The following XPO7 variants were observed in gnomAD, a reference collection of about 807,000 sequenced individuals.
XPO7 encodes exportin 7.
Under a neutral mutation model 144.3 loss-of-function variants are expected in XPO7, and 21 were observed. That is an observed-to-expected ratio of 0.15 (90% confidence interval 0.10 to 0.21). The LOEUF (loss-of-function observed/expected upper bound fraction) is 0.21. Among genes scored for constraint, XPO7 ranks in the 10% least tolerant of loss-of-function variants. XPO7 has a pLI of 1.00. For synonymous variants in XPO7, 580 were observed against 499.6 expected, an observed-to-expected ratio of 1.16 and a Z score of -2.15; for missense variants, 808 against 1,325.8, an observed-to-expected ratio of 0.61 and a Z score of 6.06.
At chr8:21,990,521 TG>T in intron 17 of XPO7, 114 bp downstream of exon 17, 1 of 1,210,358 alleles carries the variant, frequency 8.3e-7, no homozygotes, top group Non-Finnish European at 1.2e-6. Context: ...GCAAAGACGG[TG>T]GTCCTGATTC....
At chr8:21,998,712 G>A (rs745598807) in intron 21 of XPO7, 43 bp from the exon 22 acceptor site, 3 of 1,589,366 alleles carry the variant, frequency 1.9e-6, no homozygotes, top group Non-Finnish European at 2.6e-6. Context: ...AGTCTTCCAA[G>A]AAAACACCTC....
At chr8:21,940,165 A>T (rs1810945472) in intron 1 of XPO7, among the ~76,000 whole-genome samples, 1 of 152,210 alleles carries the variant, frequency 6.6e-6, no homozygotes, top group African/African-American at 2.4e-5. Context: ...ATGATATTTT[A>T]AAAGTAATGG....
chr8:22,006,259 T>G lies in XPO7; in HGVS notation c.*1171T>G, dbSNP rs1813326146. On this transcript the variant is annotated 3_prime_UTR_variant, in exon 28 of 28. Coordinates refer to ENST00000252512, the MANE Select transcript of XPO7 (RefSeq NM_015024.5). ...TTTATAAAATGAAAACCATAATAAA[T>G]GTTTTGAATATTAAAAAAAATAATA... is the stretch of plus-strand genomic sequence containing the variant. 1 of 152,178 alleles carries G rather than the reference T, an allele frequency of 6.6e-6. No individual in the cohort carries two copies. The highest frequency in any genetic ancestry group is 1.5e-5 in the Non-Finnish European group (1 of 68,032). 9.4% of individuals were successfully genotyped at this position (152,178 alleles called of 1,614,324 possible). A position where few individuals can be genotyped will look rare whatever the true frequency, so the allele number is the denominator to read the frequency against.
chr8:21,950,815 A>G (rs1811344810), intron 1 of XPO7, among the ~76,000 whole-genome samples: 1 of 152,134 alleles, frequency 6.6e-6, no homozygotes, highest in South Asian at 2.1e-4. Flanking sequence ...ATTCTACCGT[A>G]AATTTATATA....
Position 22,005,966 on chromosome 8 carries a change from C to A in XPO7, c.*878C>A, listed in dbSNP as rs1813317315. On this transcript the variant is annotated 3_prime_UTR_variant, in exon 28 of 28. Transcript: ENST00000252512. ...TCTTGGTCTGTGTGAAGGCAGAGAC[C>A]AGAGAGAAGGAAGTGAGCCCACTGC... 1 of 152,116 alleles carries A rather than the reference C, an allele frequency of 6.6e-6. No homozygotes were observed. The highest frequency in any genetic ancestry group is 2.4e-5 in the African/African-American group (1 of 41,394). The allele number at this position is 152,116 out of a possible 1,614,324, so 9.4% of individuals were successfully genotyped here. A position where few individuals can be genotyped will look rare whatever the true frequency, so the allele number is the denominator to read the frequency against.
At chr8:21,946,579 A>AC (rs1554512852) in intron 1 of XPO7, among the ~76,000 whole-genome samples, 1 of 96,294 alleles carries the variant, frequency 1.0e-5, no homozygotes, top group Admixed American at 9.0e-5. Context: ...GAACTGAAAA[A>AC]AAAAAACAAA....
At chr8:21,925,293 G>A (rs981250887) in intron 1 of XPO7, among the ~76,000 whole-genome samples, 4 of 152,116 alleles carry the variant, frequency 2.6e-5, no homozygotes, top group African/African-American at 9.7e-5. Context: ...TCGCACATGT[G>A]TGCATGCACA....
chr8:21,987,360 C>T (rs1661201204), intron 14 of XPO7, 84 bp downstream of exon 14: 4 of 1,563,774 alleles, frequency 2.6e-6, no homozygotes, highest in Middle Eastern at 1.7e-4. Flanking sequence ...GCTGATAGTT[C>T]ACATAACCTC....
intron 1 of XPO7, among the ~76,000 whole-genome samples, chr8:21,940,628 C>G (rs1810959908): frequency 6.6e-6 from 1 of 151,964 alleles, no homozygotes; most frequent in Admixed American, 6.6e-5. Context: ...GCCACCACAC[C>G]CGCCTAATTT....
chr8:21,953,324 A>G (rs947875803), intron 1 of XPO7, among the ~76,000 whole-genome samples: 3 of 151,398 alleles, frequency 2.0e-5, no homozygotes, highest in Non-Finnish European at 4.4e-5. Flanking sequence ...TGCTGTCTCT[A>G]TTGTTTTGCC....
Position 22,005,270 on chromosome 8 carries a change from G to T in XPO7, c.*182G>T, listed in dbSNP as rs765637032. The stretch of plus-strand genomic sequence containing the variant: ...GGGGTGTGAGTACACTCACTAGGGG[G>T]CAGGGCGCTGCTGGTTCCTGGGGGA... On this transcript the variant is annotated 3_prime_UTR_variant, in exon 28 of 28. Transcript: ENST00000252512. 11 of 411,574 alleles carry T rather than the reference G, an allele frequency of 2.7e-5. No homozygotes were observed. The highest frequency in any genetic ancestry group is 4.3e-5 in the Non-Finnish European group (10 of 232,492). The allele number at this position is 411,574 out of a possible 1,614,324, so 25.5% of individuals were successfully genotyped here.
At chr8:21,952,786 A>G (rs1012313490) in intron 1 of XPO7, among the ~76,000 whole-genome samples, 7 of 152,204 alleles carry the variant, frequency 4.6e-5, no homozygotes, top group African/African-American at 1.7e-4. Flanking sequence ...GTCAGGTGGT[A>G]GGGAGTGGGA....
chr8:21,965,194 A>T (rs184790634), intron 1 of XPO7, among the ~76,000 whole-genome samples: 2 of 151,594 alleles, frequency 1.3e-5, no homozygotes, highest in Non-Finnish European at 2.9e-5. Flanking sequence ...ATAGATTTCA[A>T]TGTTGAAACA....
At chr8:21,925,178 G>A (rs1019787350) in intron 1 of XPO7, among the ~76,000 whole-genome samples, 3 of 152,160 alleles carry the variant, frequency 2.0e-5, no homozygotes, top group Non-Finnish European at 4.4e-5. Context: ...AATGGAATGG[G>A]ATTGGTACCC....
Position 21,999,634 on chromosome 8 carries a change from G to T in XPO7, c.2742G>T (p.Met914Ile). Reference protein sequence around the residue: ...FIASLEPHVIMYILSSISEGL... With the variant: ...FIASLEPHVIIYILSSISEGL... ...CAAGCCTGGAACCTCACGTCATCAT[G>T]TATATTCTCTCTTCCATTTCTGAAG... The change falls in exon 24 of 28, where the codon ATG becomes ATT. Residue 914 changes from methionine (M) to isoleucine (I), a missense_variant. Transcript: ENST00000252512. The T allele has an allele frequency of 1.9e-6, 3 of 1,613,986 alleles. No homozygotes were observed. The highest frequency in any genetic ancestry group is 2.5e-6 in the Non-Finnish European group (3 of 1,179,900).
Position 21,919,696 on chromosome 8 carries a change from G to GCGGCGGCA in XPO7, c.-75_-74insCGGCGGCA. The GCGGCGGCA allele has an allele frequency of 5.0e-6, 1 of 200,964 alleles. No individual in the cohort carries two copies. Among genetic ancestry groups the GCGGCGGCA allele is most frequent in the East Asian group, 1.6e-4 (1 of 6,144 alleles). 12.4% of individuals were successfully genotyped at this position (200,964 alleles called of 1,614,324 possible). Reference sequence around the variant, plus strand: ...GCGCAGCGGCGACGGCGTCGGCGGCGGCGGCGGCAGCGGCTCCGGCCGAGG... The same window carrying GCGGCGGCA: ...GCGCAGCGGCGACGGCGTCGGCGGCGCGGCGGCAGCGGCGGCAGCGGCTCCGGCCGAGG... On this transcript the variant is annotated 5_prime_UTR_variant, in exon 1 of 28. Coordinates refer to ENST00000252512, the MANE Select transcript of XPO7 (RefSeq NM_015024.5).
intron 11 of XPO7, 105 bp downstream of exon 11, chr8:21,982,917 T>G (rs1585466745): frequency 8.9e-6 from 12 of 1,342,414 alleles, no homozygotes; most frequent in Non-Finnish European, 4.0e-6. Flanking sequence ...CGTGTCTCAT[T>G]GGAGCCACTA....
chr8:21,951,339 C>T (rs1239667652), intron 1 of XPO7, among the ~76,000 whole-genome samples: 1 of 151,814 alleles, frequency 6.6e-6, no homozygotes, highest in Non-Finnish European at 1.5e-5. Flanking sequence ...CTATTATATA[C>T]CCACATATAC....
At chr8:21,980,232 A>C in intron 9 of XPO7, 29 bp downstream of exon 9, 2 of 1,556,978 alleles carry the variant, frequency 1.3e-6, no homozygotes. Flanking sequence ...TTACATATGT[A>C]TAGGATTAGT....
Sources: gnomAD v4.1 joint callset for allele counts (sites outside exome capture counted in the v4.1 genomes callset) on GRCh38, gnomAD v4.1.1 for gene constraint, MANE v1.5 for transcripts, NCBI Gene and HGNC (gene_info 2026-07-23, HGNC 2026-07-21) for gene names.